Variants in KCNQ5 observed in about 807,000 individuals in gnomAD.
The protein encoded by KCNQ5 is potassium voltage-gated channel subfamily Q member 5, also known as potassium voltage-gated channel subfamily KQT member 5.
Under a neutral mutation model 98.2 loss-of-function variants are expected in KCNQ5, and 30 were observed. The observed-to-expected ratio is 0.31, with a 90% CI of 0.23 to 0.41. The LOEUF (loss-of-function observed/expected upper bound fraction) is 0.41, where lower values mean the gene tolerates loss of function less well. Ranked by LOEUF, KCNQ5 falls within the 10% of genes least tolerant of loss-of-function variation. The probability of loss-of-function intolerance (pLI) is 1.00; values close to 1 mark genes in which losing one functional copy is unlikely to be tolerated. For missense variants in KCNQ5, 835 were observed against 1,182.5 expected (o/e 0.71, Z 4.31); for synonymous variants, 458 against 449.4 (o/e 1.02, Z -0.24).
At chr6:72,969,917 A>C (rs921513717) in intron 1 of KCNQ5, among the ~76,000 whole-genome samples, 1 of 152,304 alleles carries the variant, frequency 6.6e-6, no homozygotes, top group African/African-American at 2.4e-5. Flanking sequence ...TCTTGGCAGG[A>C]GTCCTAAGGC....
At chr6:72,794,251 G>A (rs1774208747) in intron 1 of KCNQ5, among the ~76,000 whole-genome samples, 1 of 152,006 alleles carries the variant, frequency 6.6e-6, no homozygotes, top group African/African-American at 2.4e-5. Flanking sequence ...TTAGCTATGG[G>A]GTTGTCTCAA....
At chr6:73,010,319 AAT>A (rs893369751) in intron 2 of KCNQ5, among the ~76,000 whole-genome samples, 1 of 151,734 alleles carries the variant, frequency 6.6e-6, no homozygotes, top group African/African-American at 2.4e-5. Flanking sequence ...CTATGATTAA[AAT>A]ATATATATAT....
chr6:72,918,496 A>G (rs1291806326), intron 1 of KCNQ5, among the ~76,000 whole-genome samples: 2 of 151,936 alleles, frequency 1.3e-5, no homozygotes, highest in Non-Finnish European at 2.9e-5. Flanking sequence ...AGAGGTCTTT[A>G]TATGAGGAAA....
In KCNQ5 at chr6:72,754,578, A is replaced by C. The variant is rs189168630; in HGVS notation, c.398+131991A>C. On this transcript the variant is annotated intron_variant, in intron 1 of 13. Coordinates refer to ENST00000370398, the MANE Select transcript of KCNQ5 (RefSeq NM_019842.4). ...CAGACAGGGACCAAGGATGCTGCCA[A>C]ATATCCTAAATTGCATAGGAAAGCA... Among the ~76,000 whole-genome samples the C allele has an allele frequency of 7.2e-5, 11 of 152,236 alleles. No individual in the cohort carries two copies. The East Asian group carries it at 2.1e-3, about 29-fold the overall frequency.
intron 1 of KCNQ5, among the ~76,000 whole-genome samples, chr6:72,998,060 G>A (rs1447904058): frequency 1.5e-4 from 23 of 152,296 alleles, no homozygotes; most frequent in Admixed American, 3.9e-4. Context: ...ATTTTGCAAA[G>A]TACCAAGTTT....
At chr6:72,835,443 T>C (rs1031574487) in intron 1 of KCNQ5, among the ~76,000 whole-genome samples, 3 of 152,084 alleles carry the variant, frequency 2.0e-5, no homozygotes, top group African/African-American at 7.2e-5. Context: ...CCATCAGATG[T>C]CTAGGAAGCA....
intron 1 of KCNQ5, among the ~76,000 whole-genome samples, chr6:72,697,768 A>G (rs549581435): frequency 2.8e-4 from 43 of 152,150 alleles, no homozygotes; most frequent in Admixed American, 2.8e-3. Flanking sequence ...TCCTTTTTTC[A>G]GCTTTATTGA....
intron 1 of KCNQ5, among the ~76,000 whole-genome samples, chr6:72,737,718 T>A (rs1458936473): frequency 6.6e-6 from 1 of 152,242 alleles, no homozygotes; most frequent in Non-Finnish European, 1.5e-5. Flanking sequence ...ACATTCCCTA[T>A]TGACTTTCTT....
chr6:72,800,932 G>A (rs1260795794), intron 1 of KCNQ5, among the ~76,000 whole-genome samples: 5 of 151,920 alleles, frequency 3.3e-5, no homozygotes, highest in Non-Finnish European at 7.4e-5. Context: ...GTAGTTGAGT[G>A]GTTTTGAGTG....
At chr6:72,835,903 T>C (rs369366398) in intron 1 of KCNQ5, among the ~76,000 whole-genome samples, 2 of 152,226 alleles carry the variant, frequency 1.3e-5, no homozygotes, top group Non-Finnish European at 2.9e-5. Flanking sequence ...TATATAATAG[T>C]ATATCACTGT....
At chr6:72,919,732 T>A (rs1780308305) in intron 1 of KCNQ5, among the ~76,000 whole-genome samples, 1 of 152,200 alleles carries the variant, frequency 6.6e-6, no homozygotes, top group South Asian at 2.1e-4. Flanking sequence ...GGCAAACTGT[T>A]CTGGGTGGGC....
Position 73,193,210 on chromosome 6 carries a change from A to G in KCNQ5, c.1836+519A>G, listed in dbSNP as rs373204559. On this transcript the variant is annotated intron_variant, in intron 13 of 13. Transcript: ENST00000370398. ...GAATTTTTGTATTTTTAGTAGAGAC[A>G]GGTTTCACCATGTTGGCCAGGCTTG... 4.4e-3 allele frequency among the ~76,000 whole-genome samples: 669 copies of G among 151,454 alleles called. 3 individuals carry two copies. The highest frequency in any genetic ancestry group is 0.015 in the African/African-American group (628 of 41,434).
intron 1 of KCNQ5, among the ~76,000 whole-genome samples, chr6:72,950,298 T>C (rs1766738785): frequency 6.6e-6 from 1 of 152,210 alleles, no homozygotes. Context: ...AACAAACTGA[T>C]TAAAAGATTA....
chr6:72,650,626 G>C (rs886942123), intron 1 of KCNQ5, among the ~76,000 whole-genome samples: 4 of 152,080 alleles, frequency 2.6e-5, no homozygotes, highest in African/African-American at 9.7e-5. Context: ...AGAAAGAAAA[G>C]AATAGTTCTT....
intron 2 of KCNQ5, among the ~76,000 whole-genome samples, chr6:73,007,655 T>G (rs1243499551): frequency 6.6e-6 from 1 of 152,210 alleles, no homozygotes; most frequent in Non-Finnish European, 1.5e-5. Context: ...TGCAGGCAGC[T>G]GTGCACATGT....
chr6:72,990,314 G>A (rs1405418929), intron 1 of KCNQ5, among the ~76,000 whole-genome samples: 1 of 65,284 alleles, frequency 1.5e-5, no homozygotes, highest in Non-Finnish European at 3.0e-5. Flanking sequence ...CCATTTGTTT[G>A]TGTCCTCTTT....
chr6:73,038,943 T>C lies in KCNQ5; in HGVS notation c.490-2993T>C, dbSNP rs187279465. Among the ~76,000 whole-genome samples, 129 of 152,266 alleles carry C rather than the reference T, an allele frequency of 8.5e-4. 1 individual carries two copies. In the East Asian group the frequency reaches 0.019, roughly 23 times the overall value. On this transcript the variant is annotated intron_variant, in intron 2 of 13. Transcript: ENST00000370398. ...GATATATTCTTATTTAAATGTCTGGTTGATTTTGCCAGTGAAACCATTTGA... is the reference window on the plus strand; with the variant it reads ...GATATATTCTTATTTAAATGTCTGGCTGATTTTGCCAGTGAAACCATTTGA...
intron 1 of KCNQ5, among the ~76,000 whole-genome samples, chr6:72,824,545 T>C (rs1775901224): frequency 6.6e-6 from 1 of 152,128 alleles, no homozygotes; most frequent in Non-Finnish European, 1.5e-5. Context: ...TGCCTTTCAA[T>C]TTGCACATGT....
chr6:73,077,857 T>G lies in KCNQ5; in HGVS notation c.888T>G (p.Ser296=). 1 of 1,612,312 alleles carries G rather than the reference T, an allele frequency of 6.2e-7. No homozygotes were observed. ...AAAAGGATGCCAATAAAGAGTTTTCTACATATGCAGATGCTCTCTGGTGGG... is the reference window on the plus strand; with the variant it reads ...AAAAGGATGCCAATAAAGAGTTTTCGACATATGCAGATGCTCTCTGGTGGG... ...LVEKDANKEF[S]TYADALWWGT... Residue 296 remains serine, a synonymous_variant, in exon 5 of 14, where the codon TCT becomes TCG. Coordinates refer to ENST00000370398, the MANE Select transcript of KCNQ5 (RefSeq NM_019842.4).
Sources: gnomAD v4.1 joint callset for allele counts (sites outside exome capture counted in the v4.1 genomes callset) on GRCh38, gnomAD v4.1.1 for gene constraint, MANE v1.5 for transcripts, NCBI Gene and HGNC (gene_info 2026-07-23, HGNC 2026-07-21) for gene names.